Variants in TULP4 observed in about 807,000 individuals in gnomAD.
TULP4 encodes tubby-related protein 4.
In TULP4, 16 loss-of-function variants were observed where a neutral mutation model predicts 129.0. The ratio of observed to expected loss-of-function variants is 0.12; its 90% CI spans 0.08 to 0.19. TULP4 has a LOEUF of 0.19. Ranked by LOEUF, TULP4 falls within the 10% of genes least tolerant of loss-of-function variation. TULP4 has a pLI of 1.00. For missense variants in TULP4, 1,842 were observed against 2,059.1 expected (o/e 0.89, Z 2.04); for synonymous variants, 998 against 854.0 (o/e 1.17, Z -2.94).
chr6:158,384,316 C>T (rs1777390618), intron 1 of TULP4, among the ~76,000 whole-genome samples: 1 of 144,616 alleles, frequency 6.9e-6, no homozygotes, highest in Non-Finnish European at 1.5e-5. Context: ...GAGACAGAGT[C>T]TCGCTCTGTG....
intron 1 of TULP4, among the ~76,000 whole-genome samples, chr6:158,343,145 C>T (rs574432651): frequency 2.3e-4 from 35 of 152,046 alleles, no homozygotes; most frequent in South Asian, 2.3e-3. Flanking sequence ...TGTGTGAGCG[C>T]GCCTGGGCTC....
At chr6:158,362,839 G>GCTGAGGCAGGTGGA (rs11269628) in intron 1 of TULP4, among the ~76,000 whole-genome samples, 1 of 151,660 alleles carries the variant, frequency 6.6e-6, no homozygotes, top group East Asian at 1.9e-4. Context: ...ACTTTGGGAG[G>GCTGAGGCAGGTGGA]TCAGGAGGTC....
chr6:158,300,958 A>G (rs924851671), intron 1 of TULP4, among the ~76,000 whole-genome samples: 17 of 152,216 alleles, frequency 1.1e-4, no homozygotes, highest in Non-Finnish European at 2.2e-4. Context: ...TCGGATTGCA[A>G]TAGAGACCAG....
chr6:158,380,379 A>G (rs1474244405), intron 1 of TULP4, among the ~76,000 whole-genome samples: 1 of 152,220 alleles, frequency 6.6e-6, no homozygotes, highest in African/African-American at 2.4e-5. Flanking sequence ...CTTAGCAGCC[A>G]TGTCCTCAGT....
At chr6:158,425,534 AAATG>A (rs1411625216) in intron 2 of TULP4, among the ~76,000 whole-genome samples, 159 of 144,106 alleles carry the variant, frequency 1.1e-3, no homozygotes, top group Middle Eastern at 3.5e-3. Context: ...AAAAAAAAAA[AAATG>A]GCAGCCGACG....
chr6:158,318,067 CAGAT>C (rs1245711472), intron 1 of TULP4, among the ~76,000 whole-genome samples: 1 of 152,126 alleles, frequency 6.6e-6, no homozygotes, highest in Non-Finnish European at 1.5e-5. Flanking sequence ...AGCCCTTTGT[CAGAT>C]AGGTAGATTG....
intron 1 of TULP4, among the ~76,000 whole-genome samples, chr6:158,365,814 C>A (rs187870888): frequency 1.1e-4 from 16 of 149,488 alleles, no homozygotes; most frequent in Non-Finnish European, 2.2e-4. Flanking sequence ...TTCAATTTGC[C>A]ATGTTTTTAT....
rs1233465274 is a variant in TULP4, at chr6:158,385,631, A to G, written c.253-27434A>G. Among the ~76,000 whole-genome samples, 7 of 149,514 alleles carry G rather than the reference A, an allele frequency of 4.7e-5. No homozygotes were observed. The East Asian group carries it at 1.4e-3, about 29-fold the overall frequency. The stretch of plus-strand genomic sequence containing the variant: ...ACATATAATTATATACATATTATAT[A>G]TAAAATATAATTATACATGTACAAT... On this transcript the variant is annotated intron_variant, in intron 1 of 13. Coordinates refer to ENST00000367097, the MANE Select transcript of TULP4 (RefSeq NM_020245.5).
chr6:158,449,639 C>T (rs1341138454), intron 4 of TULP4, among the ~76,000 whole-genome samples: 3 of 152,264 alleles, frequency 2.0e-5, no homozygotes, highest in African/African-American at 7.2e-5. Flanking sequence ...AAGGCCAGCA[C>T]CTTGGGCAGA....
At chr6:158,277,887 C>T (rs1778675095), upstream of TULP4, among the ~76,000 whole-genome samples, 1 of 152,154 alleles carries the variant, frequency 6.6e-6, no homozygotes, top group Admixed American at 6.5e-5. Flanking sequence ...TGTGGTCTTT[C>T]TGGGCCATCT....
intron 13 of TULP4, among the ~76,000 whole-genome samples, chr6:158,506,221 T>C (rs1163381136): frequency 7.5e-6 from 1 of 134,204 alleles, no homozygotes; most frequent in Non-Finnish European, 1.6e-5. Flanking sequence ...CTCGCCTTGT[T>C]CTTTTTTTTT....
At chr6:158,304,771 A>G (rs1779186962) in intron 1 of TULP4, among the ~76,000 whole-genome samples, 2 of 152,090 alleles carry the variant, frequency 1.3e-5, no homozygotes, top group South Asian at 2.1e-4. Flanking sequence ...GGCTCAAGCA[A>G]TCCTCCCACC....
At position 158,462,313 on chromosome 6, in the gene TULP4, G is replaced by A. The variant is rs577290289; in HGVS notation, c.1026+584G>A. Reference sequence around the variant, plus strand: ...TTTTTTTTAAGTCTCCAGAAGTCCAGTCATCCTTCTCTTCTTGGTGCAGAG... The same window carrying A: ...TTTTTTTTAAGTCTCCAGAAGTCCAATCATCCTTCTCTTCTTGGTGCAGAG... On this transcript the variant is annotated intron_variant, in intron 6 of 13. Coordinates refer to ENST00000367097, the MANE Select transcript of TULP4 (RefSeq NM_020245.5). Among the ~76,000 whole-genome samples, 12 of 151,412 alleles carry A rather than the reference G, an allele frequency of 7.9e-5. No homozygotes were observed. The East Asian group carries it at 2.3e-3, about 29-fold the overall frequency.
At chr6:158,368,541 G>C (rs920327893) in intron 1 of TULP4, among the ~76,000 whole-genome samples, 3 of 152,178 alleles carry the variant, frequency 2.0e-5, no homozygotes, top group African/African-American at 7.2e-5. Flanking sequence ...CTCTAGTAGT[G>C]TTTCACGGCA....
At chr6:158,431,773 G>A (rs1778634480) in intron 3 of TULP4, among the ~76,000 whole-genome samples, 1 of 152,136 alleles carries the variant, frequency 6.6e-6, no homozygotes, top group Non-Finnish European at 1.5e-5. Flanking sequence ...GGGGACTCCT[G>A]GGGCTGGAGG....
Position 158,313,836 on chromosome 6 carries a change from A to G in TULP4, c.-181A>G, listed in dbSNP as rs1258330968. On this transcript the variant is annotated 5_prime_UTR_variant, in exon 1 of 14. An upstream start codon of the reference 5' UTR is lost. Transcript: ENST00000367097. ...TCTTTTATAGAGGAATTTTTTCACT[A>G]TGCATTCGGTGGATCTTTATAAAAT... The G allele has an allele frequency of 1.4e-5, 9 of 639,940 alleles. 1 individual carries two copies. The highest frequency in any genetic ancestry group is 6.4e-5 in the Admixed American group (2 of 31,340). The allele number at this position is 639,940 out of a possible 1,614,324, so 39.6% of individuals were successfully genotyped here. A position where few individuals can be genotyped will look rare whatever the true frequency, so the allele number is the denominator to read the frequency against.
At position 158,313,822 on chromosome 6, in the gene TULP4, G is replaced by T; in HGVS notation, c.-195G>T. 1.7e-6 allele frequency: 1 copy of T among 597,566 alleles called. No individual in the cohort carries two copies. Among genetic ancestry groups the T allele is most frequent in the Non-Finnish European group, 2.8e-6 (1 of 352,684 alleles). 37.0% of individuals were successfully genotyped at this position (597,566 alleles called of 1,614,324 possible). On this transcript the variant is annotated 5_prime_UTR_variant, in exon 1 of 14. It adds an upstream start codon to the 5' untranslated region. Coordinates refer to ENST00000367097, the MANE Select transcript of TULP4 (RefSeq NM_020245.5). ...GAAGACTGCCATCATCTTTTATAGAGGAATTTTTTCACTATGCATTCGGTG... is the reference window on the plus strand; with the variant it reads ...GAAGACTGCCATCATCTTTTATAGATGAATTTTTTCACTATGCATTCGGTG...
intron 1 of TULP4, among the ~76,000 whole-genome samples, chr6:158,381,469 G>A (rs1777324186): frequency 6.6e-6 from 1 of 152,218 alleles, no homozygotes; most frequent in South Asian, 2.1e-4. Context: ...AGCCAAATGA[G>A]TCAGCTCAAG....
chr6:158,315,509 A>C (rs1387670489), intron 1 of TULP4, among the ~76,000 whole-genome samples: 2 of 152,088 alleles, frequency 1.3e-5, no homozygotes, highest in African/African-American at 2.4e-5. Flanking sequence ...ACTAAACTTA[A>C]CTCTCGATTA....
Sources: allele counts gnomAD v4.1 joint callset (sites outside exome capture counted in the v4.1 genomes callset), GRCh38; gene constraint gnomAD v4.1.1; transcripts MANE v1.5; gene names NCBI Gene and HGNC (gene_info 2026-07-23, HGNC 2026-07-21).